MAN1A1: variants seen among roughly 807,000 people sequenced by gnomAD.
MAN1A1 encodes mannosidase alpha class 1A member 1, also known as mannosyl-oligosaccharide 1,2-alpha-mannosidase IA.
MAN1A1 carries 29 observed loss-of-function variants against 70.8 expected under a neutral mutation model. The ratio of observed to expected loss-of-function variants is 0.41; its 90% CI spans 0.31 to 0.56. The LOEUF (loss-of-function observed/expected upper bound fraction) is 0.56, where lower values mean the gene tolerates loss of function less well. MAN1A1 is among the 20% of genes least tolerant of loss of function. The pLI is 0.29. For synonymous variants in MAN1A1, 349 were observed against 330.1 expected, an observed-to-expected ratio of 1.06 and a Z score of -0.62; for missense variants, 747 against 841.3, an observed-to-expected ratio of 0.89 and a Z score of 1.39.
At position 119,231,815 on chromosome 6, in the gene MAN1A1, G is replaced by A. The variant is rs75139279; in HGVS notation, c.992+16445C>T. On this transcript the variant is annotated intron_variant, in intron 6 of 12. Transcript: ENST00000368468. Reference sequence around the variant, plus strand: ...TCAAAAAGATGGCATAAAGGAAGGAGAATCAGTTCTAACAAAACATGTTTA... The same window carrying A: ...TCAAAAAGATGGCATAAAGGAAGGAAAATCAGTTCTAACAAAACATGTTTA... Among the ~76,000 whole-genome samples the A allele has an allele frequency of 7.9e-3, 1,210 of 152,274 alleles. 12 individuals carry two copies. The highest frequency in any genetic ancestry group is 0.027 in the African/African-American group (1,142 of 41,542).
chr6:119,225,100 C>T (rs907301715), intron 6 of MAN1A1, among the ~76,000 whole-genome samples: 2 of 151,840 alleles, frequency 1.3e-5, no homozygotes, highest in Non-Finnish European at 2.9e-5. Context: ...GCCAAGATTG[C>T]GCCACTACAC....
chr6:119,263,595 T>C (rs1178551878), intron 5 of MAN1A1, among the ~76,000 whole-genome samples: 1 of 152,168 alleles, frequency 6.6e-6, no homozygotes, highest in Non-Finnish European at 1.5e-5. Context: ...TTTACCTAAC[T>C]TCCATGACAC....
At chr6:119,343,771 TA>T (rs1353262667) in intron 2 of MAN1A1, among the ~76,000 whole-genome samples, 1 of 152,228 alleles carries the variant, frequency 6.6e-6, no homozygotes, top group East Asian at 1.9e-4. Context: ...TGGCTGTTCC[TA>T]TTTTGACTAA....
At chr6:119,277,484 T>G (rs1304812198) in intron 5 of MAN1A1, among the ~76,000 whole-genome samples, 1 of 152,178 alleles carries the variant, frequency 6.6e-6, no homozygotes, top group East Asian at 1.9e-4. Context: ...AATTTTTTTA[T>G]GAATCAAATG....
At chr6:119,186,113 A>G (rs939068052) in intron 11 of MAN1A1, among the ~76,000 whole-genome samples, 2 of 152,098 alleles carry the variant, frequency 1.3e-5, no homozygotes, top group African/African-American at 4.8e-5. Context: ...AGAGCACAGA[A>G]CACTGTAAAT....
intron 8 of MAN1A1, among the ~76,000 whole-genome samples, chr6:119,198,034 G>A (rs1341430490): frequency 6.6e-6 from 1 of 152,192 alleles, no homozygotes; most frequent in Non-Finnish European, 1.5e-5. Context: ...AATGTGTGGT[G>A]AGGAATACTC....
chr6:119,340,955 A>G (rs556689543), intron 2 of MAN1A1, among the ~76,000 whole-genome samples: 2 of 152,234 alleles, frequency 1.3e-5, no homozygotes, highest in Non-Finnish European at 2.9e-5. Context: ...ACTGAGAAAC[A>G]CGAGCGAGAA....
At chr6:119,224,967 A>G (rs1774465348) in intron 6 of MAN1A1, among the ~76,000 whole-genome samples, 1 of 152,060 alleles carries the variant, frequency 6.6e-6, no homozygotes, top group African/African-American at 2.4e-5. Flanking sequence ...TCTCTACTAA[A>G]AATACAAAAA....
Position 119,273,834 on chromosome 6 carries a change from G to A in MAN1A1, c.897+16849C>T, listed in dbSNP as rs550308039. 3.9e-5 allele frequency among the ~76,000 whole-genome samples: 6 copies of A among 152,296 alleles called. No homozygotes were observed. In the South Asian group the frequency reaches 1.2e-3, roughly 32 times the overall value. ...AAAAGGTTGGGGGAGAGGAGTCTAA[G>A]TGTTGGTATTTTATTCTGAGTATTC... is the stretch of plus-strand genomic sequence containing the variant. On this transcript the variant is annotated intron_variant, in intron 5 of 12. Coordinates refer to ENST00000368468, the MANE Select transcript of MAN1A1 (RefSeq NM_005907.4).
At chr6:119,309,193 C>T (rs1275888143) in intron 2 of MAN1A1, among the ~76,000 whole-genome samples, 13 of 152,306 alleles carry the variant, frequency 8.5e-5, no homozygotes, top group African/African-American at 2.6e-4. Flanking sequence ...ACCAATTCCA[C>T]CAGCTGATCA....
chr6:119,195,254 T>C (rs1343873207), intron 8 of MAN1A1, among the ~76,000 whole-genome samples: 1 of 152,216 alleles, frequency 6.6e-6, no homozygotes, highest in Non-Finnish European at 1.5e-5. Flanking sequence ...TTTGGTGCCA[T>C]GCAAGATCTC....
rs539837736 is a variant in MAN1A1, at chr6:119,223,422, C to A, written c.993-18540G>T. ...AGTTATTTGACTTAAAAAAAAGTAA[C>A]CTTACATTTCATAGGTGGCACTGAA... On this transcript the variant is annotated intron_variant, in intron 6 of 12. Coordinates refer to ENST00000368468, the MANE Select transcript of MAN1A1 (RefSeq NM_005907.4). 5.3e-5 allele frequency among the ~76,000 whole-genome samples: 8 copies of A among 152,080 alleles called. No homozygotes were observed. In the East Asian group the frequency reaches 1.5e-3, roughly 29 times the overall value.
intron 5 of MAN1A1, among the ~76,000 whole-genome samples, chr6:119,257,244 G>GT (rs1212266801): frequency 6.6e-6 from 1 of 152,104 alleles, no homozygotes; most frequent in African/African-American, 2.4e-5. Flanking sequence ...GATTACTAGG[G>GT]TCTAGAAAAT....
At chr6:119,275,549 G>A (rs567584369) in intron 5 of MAN1A1, among the ~76,000 whole-genome samples, 9 of 143,954 alleles carry the variant, frequency 6.3e-5, no homozygotes, top group East Asian at 2.0e-4. Context: ...CTCGTGATCC[G>A]CCCGCCTCGG....
In MAN1A1 at chr6:119,348,719, G is replaced by A. The variant is rs1773811722; in HGVS notation, c.347C>T (p.Ala116Val). The A allele has an allele frequency of 6.3e-7, 1 of 1,591,910 alleles. No homozygotes were observed. The change falls in exon 2 of 13, where the codon GCC becomes GTC. Residue 116 changes from alanine (A) to valine (V), a missense_variant. Physicochemically the swap from Ala to Val is moderately conservative, Grantham distance 64. This residue lies in a region of MAN1A1 where 328 missense variants were observed against 293.1 expected (regional missense o/e 1.12). Coordinates refer to ENST00000368468, the MANE Select transcript of MAN1A1 (RefSeq NM_005907.4). ...GATCCTGGCCAAGTTGTCCTCCAGG[G>A]CGGCCTCCGGGTCCCCGGGTGCCCC... Reference protein sequence around the residue: ...EEGAPGDPEAALEDNLARIRE... With the variant: ...EEGAPGDPEAVLEDNLARIRE...
chr6:119,307,383 G>A (rs924927315), intron 2 of MAN1A1, among the ~76,000 whole-genome samples: 17 of 151,974 alleles, frequency 1.1e-4, no homozygotes, highest in Admixed American at 6.6e-4. Context: ...TTATATTTCT[G>A]CACAAAGTTC....
chr6:119,262,877 G>A (rs1185571225), intron 5 of MAN1A1, among the ~76,000 whole-genome samples: 2 of 152,234 alleles, frequency 1.3e-5, no homozygotes, highest in Non-Finnish European at 2.9e-5. Context: ...AATCCTGGGT[G>A]TGTCTGTGTG....
intron 8 of MAN1A1, among the ~76,000 whole-genome samples, chr6:119,198,276 G>A (rs1053302353): frequency 1.3e-5 from 2 of 152,296 alleles, no homozygotes; most frequent in Non-Finnish European, 1.5e-5. Flanking sequence ...TGTAGTCCCA[G>A]CTACTCGGGA....
At chr6:119,329,790 G>C (rs530762885) in intron 2 of MAN1A1, among the ~76,000 whole-genome samples, 1 of 152,252 alleles carries the variant, frequency 6.6e-6, no homozygotes, top group African/African-American at 2.4e-5. Context: ...CTTCTTGAAA[G>C]AATAGTCTGT....
Sources: gnomAD v4.1 joint callset for allele counts (sites outside exome capture counted in the v4.1 genomes callset) on GRCh38, gnomAD v4.1.1 for gene constraint, gnomAD v4.1.1 regional missense constraint, MANE v1.5 for transcripts, NCBI Gene and HGNC (gene_info 2026-07-23, HGNC 2026-07-21) for gene names.